AK9: variants seen among roughly 807,000 people sequenced by gnomAD.
AK9 encodes adenylate kinase 9.
Under a neutral mutation model 239.6 loss-of-function variants are expected in AK9, and 191 were observed. The ratio of observed to expected loss-of-function variants is 0.80; its 90% CI spans 0.71 to 0.90. The LOEUF (loss-of-function observed/expected upper bound fraction) is 0.90. Ranked by LOEUF, AK9 falls within the 40% of genes least tolerant of loss-of-function variation. The pLI, the probability that AK9 is intolerant of heterozygous loss-of-function variation, is 0.00. For synonymous variants in AK9, 689 were observed against 721.0 expected (o/e 0.96, Z 0.71); for missense variants, 1,995 against 2,214.7 (o/e 0.90, Z 1.99).
intron 10 of AK9, among the ~76,000 whole-genome samples, chr6:109,634,592 G>T (rs891771588): frequency 6.6e-6 from 1 of 152,202 alleles, no homozygotes; most frequent in African/African-American, 2.4e-5. Flanking sequence ...TGCAGCATCA[G>T]AGAACAAAGA....
At chr6:109,634,466 G>A (rs920321604) in intron 10 of AK9, among the ~76,000 whole-genome samples, 3 of 152,204 alleles carry the variant, frequency 2.0e-5, no homozygotes, top group African/African-American at 4.8e-5. Flanking sequence ...GGGCAATGGC[G>A]AGGGGAAAAC....
chr6:109,648,891 C>G (rs942166760), intron 8 of AK9, among the ~76,000 whole-genome samples: 16 of 152,146 alleles, frequency 1.1e-4, no homozygotes, highest in African/African-American at 3.9e-4. Flanking sequence ...AGTTTATCCA[C>G]CATGATCAAG....
chr6:109,579,039 A>G (rs1238986645), intron 20 of AK9, among the ~76,000 whole-genome samples: 1 of 152,070 alleles, frequency 6.6e-6, no homozygotes, highest in Non-Finnish European at 1.5e-5. Context: ...TTATCTGTAA[A>G]ATCTATTTGC....
intron 17 of AK9, among the ~76,000 whole-genome samples, chr6:109,593,005 A>C (rs1405731357): frequency 1.3e-5 from 2 of 152,132 alleles, no homozygotes; most frequent in African/African-American, 2.4e-5. Context: ...GAATACCTAT[A>C]ACTAGTAGGT....
chr6:109,596,725 T>A (rs572166798), intron 17 of AK9, among the ~76,000 whole-genome samples: 1 of 152,184 alleles, frequency 6.6e-6, no homozygotes, highest in Non-Finnish European at 1.5e-5. Context: ...TTATACCACA[T>A]CTTCTTTATC....
In AK9 at chr6:109,497,530, A is replaced by G; in HGVS notation, c.5250T>C (p.Tyr1750=). Reference sequence around the variant, plus strand: ...ATATACGATTATGATATTCTAAAGCATAGTTAATGCTACCAGGTACTAGAG... The same window carrying G: ...ATATACGATTATGATATTCTAAAGCGTAGTTAATGCTACCAGGTACTAGAG... ...YEALVPGSIN[Y]ALEYHNRIYI... Residue 1750 remains tyrosine (Y), a synonymous_variant, in exon 38 of 41, where the codon TAT becomes TAC. Coordinates refer to ENST00000424296, the MANE Select transcript of AK9 (RefSeq NM_001145128.3). 1 of 1,609,866 alleles carries G rather than the reference A, an allele frequency of 6.2e-7. No homozygotes were observed. The highest frequency in any genetic ancestry group is 1.1e-5 in the South Asian group (1 of 90,862).
At chr6:109,556,377 A>G (rs1448628488) in intron 24 of AK9, among the ~76,000 whole-genome samples, 1 of 152,116 alleles carries the variant, frequency 6.6e-6, no homozygotes, top group Admixed American at 6.5e-5. Context: ...TGAGAGGTCC[A>G]CTGTTAGTCT....
At chr6:109,579,315 AAG>A (rs1162822400) in intron 20 of AK9, 2 of 431,456 alleles carry the variant, frequency 4.6e-6, no homozygotes, top group African/African-American at 4.1e-5. Flanking sequence ...TATCTCTGTC[AAG>A]AGTCATTTTC....
chr6:109,545,838 A>C, intron 26 of AK9, 29 bp downstream of exon 26: 1 of 1,571,926 alleles, frequency 6.4e-7, no homozygotes. Flanking sequence ...AAAACAAAAC[A>C]AACAAAAAAC....
chr6:109,506,552 T>A lies in AK9; in HGVS notation c.4629-5A>T. 2 of 1,569,594 alleles carry A rather than the reference T, an allele frequency of 1.3e-6. No individual in the cohort carries two copies. The highest frequency in any genetic ancestry group is 1.7e-6 in the Non-Finnish European group (2 of 1,153,998). On this transcript the variant is annotated splice_polypyrimidine_tract_variant and splice_region_variant and intron_variant, in intron 34 of 40. Coordinates refer to ENST00000424296, the MANE Select transcript of AK9 (RefSeq NM_001145128.3). ...TTGTGCAATGGATAAGGCAATCTAATAGGGAAACAGAGAAGGAATGGAAAA... is the reference window on the plus strand; with the variant it reads ...TTGTGCAATGGATAAGGCAATCTAAAAGGGAAACAGAGAAGGAATGGAAAA...
chr6:109,654,696 G>A (rs1348631496), intron 8 of AK9, among the ~76,000 whole-genome samples: 1 of 152,156 alleles, frequency 6.6e-6, no homozygotes, highest in Admixed American at 6.5e-5. Context: ...CTAAGTTGGA[G>A]AGTATCAACA....
At chr6:109,548,881 G>A (rs779854001) in intron 25 of AK9, among the ~76,000 whole-genome samples, 2 of 152,154 alleles carry the variant, frequency 1.3e-5, no homozygotes, top group Non-Finnish European at 2.9e-5. Flanking sequence ...CACAATCAAA[G>A]CAATGGCTAC....
chr6:109,602,652 A>G (rs1170880889), intron 17 of AK9, among the ~76,000 whole-genome samples: 1 of 152,182 alleles, frequency 6.6e-6, no homozygotes, highest in Non-Finnish European at 1.5e-5. Context: ...TCTCCTGGAT[A>G]ATATCCTGCA....
chr6:109,683,616 G>A (rs541058462), intron 1 of AK9, among the ~76,000 whole-genome samples: 1 of 152,122 alleles, frequency 6.6e-6, no homozygotes, highest in Non-Finnish European at 1.5e-5. Context: ...CAGACAAACA[G>A]AGGGCCAAAT....
intron 8 of AK9, among the ~76,000 whole-genome samples, chr6:109,653,669 T>C (rs1799288755): frequency 1.2e-5 from 1 of 80,248 alleles, no homozygotes; most frequent in African/African-American, 4.2e-5. Context: ...CTTTCTTGTT[T>C]AGATTTTTTT....
intron 17 of AK9, among the ~76,000 whole-genome samples, chr6:109,603,045 A>T (rs1440384057): frequency 2.0e-5 from 3 of 151,742 alleles, no homozygotes; most frequent in Non-Finnish European, 2.9e-5. Context: ...GAGAAGTTTG[A>T]TTGTCTGAAG....
intron 10 of AK9, among the ~76,000 whole-genome samples, chr6:109,640,165 C>T (rs4946995): frequency 0.71 from 108,586 of 151,968 alleles, 39,286 homozygotes; most frequent in East Asian, 0.99. Flanking sequence ...CAAAACTGTG[C>T]TGCCTCACAG....
chr6:109,521,947 G>A (rs895880545), intron 29 of AK9, among the ~76,000 whole-genome samples: 1 of 151,718 alleles, frequency 6.6e-6, no homozygotes, highest in Non-Finnish European at 1.5e-5. Context: ...CATATCAATT[G>A]GCTACTCTTT....
At chr6:109,507,533 G>C (rs2128105901) in intron 33 of AK9, among the ~76,000 whole-genome samples, 1 of 152,120 alleles carries the variant, frequency 6.6e-6, no homozygotes, top group East Asian at 1.9e-4. Context: ...TCAATAGGTT[G>C]AGATAATGAG....
Sources: gnomAD v4.1 joint callset for allele counts (sites outside exome capture counted in the v4.1 genomes callset) on GRCh38, gnomAD v4.1.1 for gene constraint, MANE v1.5 for transcripts, NCBI Gene and HGNC (gene_info 2026-07-23, HGNC 2026-07-21) for gene names.